Variants in KLHDC8A observed in about 807,000 individuals in gnomAD.
The protein encoded by KLHDC8A is kelch domain containing 8A.
In KLHDC8A, 21 loss-of-function variants were observed where a neutral mutation model predicts 33.1. That is an observed-to-expected ratio of 0.64 (90% CI 0.45 to 0.91). KLHDC8A has a LOEUF of 0.91. Among genes scored for constraint, KLHDC8A ranks in the 40% least tolerant of loss-of-function variants. The pLI, the probability that KLHDC8A is intolerant of heterozygous loss-of-function variation, is 0.00. For synonymous variants in KLHDC8A, 173 were observed against 193.5 expected (o/e 0.89, Z 0.88); for missense variants, 435 against 483.3 (o/e 0.90, Z 0.94).
Position 205,339,645 on chromosome 1 carries a change from C to A in KLHDC8A, c.540G>T (p.Leu180=). 2 of 1,613,928 alleles carry A rather than the reference C, an allele frequency of 1.2e-6. No individual in the cohort carries two copies. The highest frequency in any genetic ancestry group is 1.7e-6 in the Non-Finnish European group (2 of 1,179,918). The stretch of plus-strand genomic sequence containing the variant: ...TATAGAACAGTAACCTGTCCTTACC[C>A]AGCACGTAGATCTTGGAGCCTCGGA... The part of the protein sequence containing the change: ...SFLRGSKIYV[L]GGRQSKYAVN... Residue 180 remains leucine, a splice_region_variant and synonymous_variant, in exon 3 of 6, where the codon CTG becomes CTT. Transcript: ENST00000367155. This position sits in a 1 kb window ranked among gnomAD's most constrained non-coding sequence, Gnocchi z 5.1.
chr1:205,340,588 G>A (rs1235231674), intron 2 of KLHDC8A, among the ~76,000 whole-genome samples: 2 of 152,034 alleles, frequency 1.3e-5, no homozygotes, highest in African/African-American at 2.4e-5. Flanking sequence ...GGGTTCAAGC[G>A]ATTCTCCTGC....
At chr1:205,354,319 A>G (rs1485484421) in intron 1 of KLHDC8A, among the ~76,000 whole-genome samples, 2 of 152,246 alleles carry the variant, frequency 1.3e-5, no homozygotes, top group Non-Finnish European at 2.9e-5. Context: ...AATGACTCTG[A>G]TGTAACTTTA....
chr1:205,354,695 C>G (rs1451151663), intron 1 of KLHDC8A, among the ~76,000 whole-genome samples: 1 of 152,198 alleles, frequency 6.6e-6, no homozygotes, highest in Non-Finnish European at 1.5e-5. Flanking sequence ...ATTCATCACT[C>G]TTTCCCATCA....
intron 1 of KLHDC8A, among the ~76,000 whole-genome samples, chr1:205,348,139 C>T (rs573132074): frequency 6.6e-6 from 1 of 152,238 alleles, no homozygotes; most frequent in African/African-American, 2.4e-5. Context: ...TCAGCAGGAT[C>T]CTGCCTTCAC....
intron 1 of KLHDC8A, among the ~76,000 whole-genome samples, chr1:205,345,015 C>A (rs1662908465): frequency 6.6e-6 from 1 of 152,152 alleles, no homozygotes; most frequent in Non-Finnish European, 1.5e-5. Flanking sequence ...GCTTGACAAA[C>A]AATCCTTGCA....
rs1034364928 is a variant in KLHDC8A, at chr1:205,343,599, C to T, written c.6G>A (p.Glu2=). The T allele has an allele frequency of 1.9e-6, 3 of 1,593,514 alleles. No individual in the cohort carries two copies. The highest frequency in any genetic ancestry group is 2.6e-6 in the Non-Finnish European group (3 of 1,166,896). ...ACTGGAAGTCCTTGACGTTAGGCAC[C>T]TCCATGGCAGCCTTGGGGAGCGCCC... The part of the protein sequence containing the change: M[E]VPNVKDFQWK... Residue 2 remains glutamate (E), a synonymous_variant, in exon 2 of 6, where the codon GAG becomes GAA. Transcript: ENST00000367155.
At chr1:205,351,211 C>A in intron 1 of KLHDC8A, 2 of 780,924 alleles carry the variant, frequency 2.6e-6, no homozygotes, top group Admixed American at 1.7e-5. Flanking sequence ...ACTTTAAGAG[C>A]AGGCTTTCGA....
intron 1 of KLHDC8A, among the ~76,000 whole-genome samples, chr1:205,354,780 T>C (rs903899977): frequency 5.3e-5 from 8 of 152,218 alleles, no homozygotes; most frequent in Non-Finnish European, 8.8e-5. Flanking sequence ...AATGAATGAA[T>C]GGATGAATAA....
intron 1 of KLHDC8A, among the ~76,000 whole-genome samples, chr1:205,346,872 G>A (rs943280941): frequency 2.6e-5 from 4 of 152,160 alleles, no homozygotes; most frequent in African/African-American, 7.2e-5. Flanking sequence ...AGATTCCAGC[G>A]GCTGCCCATA....
intron 1 of KLHDC8A, among the ~76,000 whole-genome samples, chr1:205,351,811 T>G (rs1310648644): frequency 6.6e-6 from 1 of 151,584 alleles, no homozygotes; most frequent in Non-Finnish European, 1.5e-5. Flanking sequence ...CCCAGCTACT[T>G]GGGAGGCTGA....
intron 2 of KLHDC8A, among the ~76,000 whole-genome samples, chr1:205,340,577 C>T (rs539038725): frequency 1.2e-3 from 190 of 152,070 alleles, no homozygotes; most frequent in African/African-American, 4.1e-3. Flanking sequence ...CTCTGCCTCT[C>T]GGGTTCAAGC....
chr1:205,351,602 CA>C (rs869257465), intron 1 of KLHDC8A: 1,791 of 106,496 alleles, frequency 0.017, 15 homozygotes, highest in African/African-American at 0.063. Context: ...CTGTAATAGT[CA>C]AAAAAAAAAA....
At chr1:205,344,744 AC>A (rs1662900143) in intron 1 of KLHDC8A, among the ~76,000 whole-genome samples, 1 of 152,038 alleles carries the variant, frequency 6.6e-6, no homozygotes, top group Non-Finnish European at 1.5e-5. Context: ...TAACATATAC[AC>A]CCACTTGCAC....
intron 1 of KLHDC8A, chr1:205,351,461 C>A: frequency 2.5e-6 from 2 of 784,362 alleles, no homozygotes; most frequent in South Asian, 2.7e-5. Context: ...ATGTTAGAAG[C>A]CTTGGAATGA....
In KLHDC8A at chr1:205,343,516, C is replaced by T; in HGVS notation, c.89G>A (p.Gly30Glu). 6.2e-7 allele frequency: 1 copy of T among 1,613,388 alleles called. No individual in the cohort carries two copies. Among genetic ancestry groups the T allele is most frequent in the Non-Finnish European group, 8.5e-7 (1 of 1,179,840 alleles). ...RRVYCSLLETGGQVYAIGGCD... is the reference protein window; with the variant it reads ...RRVYCSLLETEGQVYAIGGCD... ...TCCCCCGATGGCATAGACCTGGCCC[C>T]CGGTCTCCAGCAGGGAGCAGTAGAC... Residue 30 changes from glycine to glutamate, a missense_variant, in exon 2 of 6, where the codon GGG becomes GAG. Physicochemically the swap from Gly to Glu is moderately conservative, Grantham distance 98. Transcript: ENST00000367155.
intron 1 of KLHDC8A, chr1:205,348,425 A>G (rs1663006096): frequency 6.6e-6 from 1 of 151,738 alleles, no homozygotes; most frequent in Admixed American, 6.6e-5. Flanking sequence ...CACACCAGGA[A>G]CTCCCCGAGG....
In KLHDC8A at chr1:205,343,274, T is replaced by C. The variant is rs1214429395; in HGVS notation, c.331A>G (p.Ser111Gly). The stretch of plus-strand genomic sequence containing the variant: ...CCCATGGCGGCCTCACGCAGCATGC[T>C]CCTCTTCTTCCACTTGCCCTCATCG... ...NIDEGKWKKR[S>G]MLREAAMGIS... Residue 111 changes from serine to glycine, a missense_variant, in exon 2 of 6, where the codon AGC becomes GGC. Transcript: ENST00000367155. 4.4e-6 allele frequency: 7 copies of C among 1,609,122 alleles called. No homozygotes were observed. Among genetic ancestry groups the C allele is most frequent in the Non-Finnish European group, 5.1e-6 (6 of 1,176,836 alleles).
rs1663286225 is a variant in KLHDC8A, at chr1:205,356,691, T to A, written c.-348A>T. 2.8e-5 allele frequency: 12 copies of A among 432,096 alleles called. No individual in the cohort carries two copies. Among genetic ancestry groups the A allele is most frequent in the South Asian group, 2.0e-4 (12 of 59,992 alleles). The allele number at this position is 432,096 out of a possible 1,614,324, so 26.8% of individuals were successfully genotyped here. A position where few individuals can be genotyped will look rare whatever the true frequency, so the allele number is the denominator to read the frequency against. On this transcript the variant is annotated 5_prime_UTR_variant, in exon 1 of 6. Transcript: ENST00000367155. Reference sequence around the variant, plus strand: ...GGTCCCCAGGGTCCCCAGGGCTTCCTCCACAATTGATGAGTCCACTGCTGC... The same window carrying A: ...GGTCCCCAGGGTCCCCAGGGCTTCCACCACAATTGATGAGTCCACTGCTGC...
chr1:205,342,063 C>A (rs1420443637), intron 2 of KLHDC8A, among the ~76,000 whole-genome samples: 2 of 152,214 alleles, frequency 1.3e-5, no homozygotes, highest in Admixed American at 1.3e-4. Context: ...AAACTAACTG[C>A]AGAACCCATT....
Sources: gnomAD v4.1 joint callset for allele counts (sites outside exome capture counted in the v4.1 genomes callset) on GRCh38, gnomAD v4.1.1 for gene constraint, Gnocchi (gnomAD v3.1) non-coding constraint, MANE v1.5 for transcripts, NCBI Gene and HGNC (gene_info 2026-07-23, HGNC 2026-07-21) for gene names.